The following DHX34 variants were observed in gnomAD, a reference collection of about 807,000 sequenced individuals.
The protein encoded by DHX34 is DExH-box helicase 34.
Under a neutral mutation model 111.1 loss-of-function variants are expected in DHX34, and 96 were observed. The observed-to-expected ratio is 0.86, with a 90% CI of 0.73 to 1.02. The LOEUF (loss-of-function observed/expected upper bound fraction) is 1.02, where lower values mean the gene tolerates loss of function less well. DHX34 is among the 50% of genes least tolerant of loss of function. The probability of loss-of-function intolerance (pLI) is 0.00; values close to 1 mark genes in which losing one functional copy is unlikely to be tolerated. For synonymous variants in DHX34, 688 were observed against 670.4 expected, an observed-to-expected ratio of 1.03 and a Z score of -0.41; for missense variants, 1,560 against 1,579.9, an observed-to-expected ratio of 0.99 and a Z score of 0.21.
Position 47,375,261 on chromosome 19 carries a change from GC to G in DHX34, c.2065-201del. On this transcript the variant is annotated intron_variant, in intron 9 of 16. Coordinates refer to ENST00000328771, the MANE Select transcript of DHX34 (RefSeq NM_014681.6). ...TGGACGCCCGCACCTGCCTCCTCTTGCCCCTGGCCCCGGTGTTCCCTCCACT... is the reference window on the plus strand; with the variant it reads ...TGGACGCCCGCACCTGCCTCCTCTTGCCCTGGCCCCGGTGTTCCCTCCACT... The G allele has an allele frequency of 5.1e-6, 5 of 984,698 alleles. No homozygotes were observed. The South Asian group carries it at 1.9e-4, about 37-fold the overall frequency. 61.0% of individuals were successfully genotyped at this position (984,698 alleles called of 1,614,324 possible).
At chr19:47,364,628 CGCAGGAGGCTGAG>C (rs1969735449) in intron 6 of DHX34, among the ~76,000 whole-genome samples, 1 of 151,634 alleles carries the variant, frequency 6.6e-6, no homozygotes, top group Non-Finnish European at 1.5e-5. Flanking sequence ...TGTGGTCCCA[CGCAGGAGGCTGAG>C]GCAGGAGGAT....
Position 47,381,207 on chromosome 19 carries a change from G to C in DHX34, c.3181G>C (p.Asp1061His). ...CLTNDTDLYS[D>H]CLRTFWTCPH... The stretch of plus-strand genomic sequence containing the variant: ...ACAGAATGACACAGACCTGTACAGC[G>C]ACTGTCTCCGAACCTTCTGGACCTG... The change falls in exon 16 of 17, where the codon GAC becomes CAC. Residue 1061 changes from aspartate (D) to histidine (H), a missense_variant. Physicochemically the swap from Asp to His is moderately conservative, Grantham distance 81 (BLOSUM62 -1). Coordinates refer to ENST00000328771, the MANE Select transcript of DHX34 (RefSeq NM_014681.6). The C allele has an allele frequency of 3.1e-6, 5 of 1,614,028 alleles. No homozygotes were observed. The highest frequency in any genetic ancestry group is 4.2e-6 in the Non-Finnish European group (5 of 1,179,906).
chr19:47,373,995 G>A (rs1464499958), intron 9 of DHX34, among the ~76,000 whole-genome samples: 1 of 152,182 alleles, frequency 6.6e-6, no homozygotes, highest in African/African-American at 2.4e-5. Flanking sequence ...TGGTGTTGGA[G>A]GCAGCCTACG....
Position 47,355,082 on chromosome 19 carries a change from C to G in DHX34, c.749C>G (p.Thr250Ser). The part of the protein sequence containing the change: ...IRFESTRSAA[T>S]KIVFLTVGLL... Reference sequence around the variant, plus strand: ...TTTGAGAGCACACGTTCGGCGGCCACCAAGATTGTATTCCTGACAGTGGGG... The same window carrying G: ...TTTGAGAGCACACGTTCGGCGGCCAGCAAGATTGTATTCCTGACAGTGGGG... Residue 250 changes from threonine to serine, a missense_variant, in exon 3 of 17, where the codon ACC becomes AGC. Transcript: ENST00000328771. 6.2e-7 allele frequency: 1 copy of G among 1,614,016 alleles called. No homozygotes were observed. The highest frequency in any genetic ancestry group is 8.5e-7 in the Non-Finnish European group (1 of 1,179,980).
intron 13 of DHX34, among the ~76,000 whole-genome samples, chr19:47,378,760 T>G (rs1329380749): frequency 1.3e-5 from 2 of 151,714 alleles, no homozygotes; most frequent in Non-Finnish European, 2.9e-5. Flanking sequence ...TGCTTGAGCC[T>G]GGGAGATTGA....
intron 13 of DHX34, chr19:47,379,458 G>C (rs376278723): frequency 2.9e-5 from 9 of 312,984 alleles, no homozygotes; most frequent in East Asian, 1.7e-4. Context: ...GAATGCAGCT[G>C]TCTCTCTCCC....
At chr19:47,367,361 C>CCAAA (rs1969823909) in intron 7 of DHX34, among the ~76,000 whole-genome samples, 1 of 152,142 alleles carries the variant, frequency 6.6e-6, no homozygotes. Context: ...AGGGAGCTGA[C>CCAAA]ATTTTGGTGA....
At chr19:47,370,630 C>T (rs1323001403) in intron 7 of DHX34, among the ~76,000 whole-genome samples, 3 of 152,194 alleles carry the variant, frequency 2.0e-5, no homozygotes, top group African/African-American at 7.2e-5. Flanking sequence ...ATCCGCTGGA[C>T]TTGGAGGGCT....
rs374717917 is a variant in DHX34 at position 47,372,878 on chromosome 19, G to A, written c.1917G>A (p.Gln639=). ...CACGGCGGCCGCTGGAGAGCGACCA[G>A]GGTGACCCCTTCACGCTCTTCAACG... The part of the protein sequence containing the change: ...AAARRPLESD[Q]GDPFTLFNVF... Residue 639 remains glutamine (Q), a synonymous_variant, in exon 8 of 17, where the codon CAG becomes CAA. Transcript: ENST00000328771. The A allele has an allele frequency of 3.7e-5, 59 of 1,609,624 alleles. No homozygotes were observed. The highest frequency in any genetic ancestry group is 2.0e-4 in the South Asian group (18 of 91,020).
At chr19:47,374,907 T>C (rs974686475) in intron 9 of DHX34, among the ~76,000 whole-genome samples, 1 of 152,094 alleles carries the variant, frequency 6.6e-6, no homozygotes, top group Non-Finnish European at 1.5e-5. Flanking sequence ...AAACAGAAGG[T>C]CCAACCAAAT....
chr19:47,357,930 C>CT lies in DHX34; in HGVS notation c.1085dup (p.Leu363ProfsTer8). 6.2e-7 allele frequency: 1 copy of CT among 1,614,020 alleles called. No individual in the cohort carries two copies. Among genetic ancestry groups the CT allele is most frequent in the Non-Finnish European group, 8.5e-7 (1 of 1,180,042 alleles). On this transcript the variant is annotated frameshift_variant, in exon 4 of 17. Transcript: ENST00000328771. LOFTEE classifies it high-confidence loss of function. ...AAGTCAGAGAAGCTGGACCCGCGGC[C>CT]TTTCCTGAGGGTGCTGGAGTCCATT...
At position 47,372,932 on chromosome 19, in the gene DHX34, G is replaced by A. The variant is rs772946931; in HGVS notation, c.1962+9G>A. 8 of 1,583,302 alleles carry A rather than the reference G, an allele frequency of 5.1e-6. No individual in the cohort carries two copies. The highest frequency in any genetic ancestry group is 2.3e-5 in the East Asian group (1 of 44,292). On this transcript the variant is annotated intron_variant, in intron 8 of 16. Coordinates refer to ENST00000328771, the MANE Select transcript of DHX34 (RefSeq NM_014681.6). ...TCAACGCCTGGGTGCAGGTGAGGCT[G>A]GTGGTGGGGGCCCTCTGTCTGTCAC...
intron 13 of DHX34, among the ~76,000 whole-genome samples, chr19:47,378,440 A>G (rs932997002): frequency 1.3e-5 from 2 of 152,194 alleles, no homozygotes; most frequent in Non-Finnish European, 2.9e-5. Context: ...ATGGGAAAGC[A>G]GGCAGCACGC....
At position 47,353,010 on chromosome 19, in the gene DHX34, C is replaced by T. The variant is rs756881430; in HGVS notation, c.-21C>T. ...TTGTTTTGGGTGATCAGAACTGAGACTCCTATTGTGGATTAGTAACATGCC... is the reference window on the plus strand; with the variant it reads ...TTGTTTTGGGTGATCAGAACTGAGATTCCTATTGTGGATTAGTAACATGCC... On this transcript the variant is annotated 5_prime_UTR_variant, in exon 2 of 17. Coordinates refer to ENST00000328771, the MANE Select transcript of DHX34 (RefSeq NM_014681.6). This position sits in a 1 kb window ranked among gnomAD's most constrained non-coding sequence, Gnocchi z 4.6. The T allele has an allele frequency of 5.0e-6, 8 of 1,600,252 alleles. No homozygotes were observed. In the South Asian group the frequency reaches 8.9e-5, roughly 18 times the overall value.
chr19:47,372,473 T>C (rs1969993722), intron 7 of DHX34: 1 of 418,912 alleles, frequency 2.4e-6, no homozygotes, highest in African/African-American at 2.2e-5. Context: ...AGACAGTATC[T>C]CCTGTGTGTC....
chr19:47,353,308 T>C lies in DHX34; in HGVS notation c.278T>C (p.Leu93Pro). The C allele has an allele frequency of 6.2e-7, 1 of 1,614,196 alleles. No individual in the cohort carries two copies. The highest frequency in any genetic ancestry group is 8.5e-7 in the Non-Finnish European group (1 of 1,180,026). Residue 93 changes from leucine to proline, a missense_variant, in exon 2 of 17, where the codon CTG becomes CCG. Coordinates refer to ENST00000328771, the MANE Select transcript of DHX34 (RefSeq NM_014681.6). The surrounding 1 kb of genome is among the most constrained non-coding windows in gnomAD (Gnocchi z 4.6). Reference sequence around the variant, plus strand: ...CAGCCCAAGCACAGCATCCCAGCGCTGGCCGACCTACCTCGCACTTACGAC... The same window carrying C: ...CAGCCCAAGCACAGCATCCCAGCGCCGGCCGACCTACCTCGCACTTACGAC... ...PGQPKHSIPA[L>P]ADLPRTYDPR...
At chr19:47,379,657 A>G (rs903884515) in intron 13 of DHX34, 53 bp from the exon 14 acceptor site, 14 of 1,545,616 alleles carry the variant, frequency 9.1e-6, no homozygotes, top group South Asian at 7.3e-5. Context: ...CCTGTCTCCA[A>G]TAGCGCCCTG....
chr19:47,375,941 T>G lies in DHX34; in HGVS notation c.2325T>G (p.Leu775=). The change falls in exon 11 of 17, where the codon CTT becomes CTG. Residue 775 remains leucine (L), a synonymous_variant. Transcript: ENST00000328771. ...CCCCCCAGGATGTGAAGTTCAAGCT[T>G]CGGCATGACCTGGCGCAGCTGCAGG... ...GVDIQDVKFK[L]RHDLAQLQAA... is the part of the protein sequence containing the mutation. The G allele has an allele frequency of 6.2e-7, 1 of 1,602,042 alleles. No individual in the cohort carries two copies. The highest frequency in any genetic ancestry group is 8.5e-7 in the Non-Finnish European group (1 of 1,177,244).
intron 11 of DHX34, 22 bp downstream of exon 11, chr19:47,376,119 C>G: frequency 6.5e-7 from 1 of 1,531,584 alleles, no homozygotes; most frequent in Non-Finnish European, 8.8e-7. Context: ...TCTGCCCCAT[C>G]CTATGTTTTG....
Sources: gnomAD v4.1 joint callset for allele counts (sites outside exome capture counted in the v4.1 genomes callset) on GRCh38, gnomAD v4.1.1 for gene constraint, Gnocchi (gnomAD v3.1) non-coding constraint, MANE v1.5 for transcripts, NCBI Gene and HGNC (gene_info 2026-07-23, HGNC 2026-07-21) for gene names.